Variants in SLC38A12 observed in about 807,000 individuals in gnomAD.
SLC38A12 encodes putative sodium-coupled neutral amino acid transporter 12.
the SLC38A12 span, among the ~76,000 whole-genome samples, chr17:74,800,958 C>A: frequency 6.6e-6 from 1 of 152,222 alleles, no homozygotes; most frequent in African/African-American, 2.4e-5. Context: ...TCAAGAGTGT[C>A]CCTTCCTGGG....
the SLC38A12 span, among the ~76,000 whole-genome samples, chr17:74,783,523 G>A: frequency 6.6e-6 from 1 of 151,990 alleles, no homozygotes; most frequent in African/African-American, 2.4e-5. Flanking sequence ...AGAGGGCTTT[G>A]GTCCTGTGTC....
the SLC38A12 span, among the ~76,000 whole-genome samples, chr17:74,808,441 G>A: frequency 6.6e-6 from 1 of 152,256 alleles, no homozygotes. Context: ...CAGTCACCAA[G>A]GTGCAGGTGT....
At chr17:74,837,759 G>A in the SLC38A12 span, 5 of 985,758 alleles carry the variant, frequency 5.1e-6, no homozygotes, top group African/African-American at 1.7e-5. Flanking sequence ...AGCCATGCAC[G>A]CACTTGCTGG....
chr17:74,791,080 G>A, the SLC38A12 span: 5 of 1,545,050 alleles, frequency 3.2e-6, no homozygotes, highest in Non-Finnish European at 1.8e-6. Flanking sequence ...ACGGGGAGCT[G>A]GTGCTTCCCT....
At chr17:74,797,820 G>A in the SLC38A12 span, among the ~76,000 whole-genome samples, 11 of 152,256 alleles carry the variant, frequency 7.2e-5, no homozygotes, top group African/African-American at 2.2e-4. Context: ...AAGTGATGAC[G>A]GCATCTTCCC....
At chr17:74,808,006 G>A in the SLC38A12 span, among the ~76,000 whole-genome samples, 966 of 152,382 alleles carry the variant, frequency 6.3e-3, 7 homozygotes, top group African/African-American at 0.022. Context: ...GCAAATGACT[G>A]TGTGGGTTTT....
At chr17:74,785,339 TCTC>T in the SLC38A12 span, 1 of 1,228,140 alleles carries the variant, frequency 8.1e-7, no homozygotes, top group African/African-American at 1.5e-5. Context: ...CAGGTGTAAT[TCTC>T]CTGTCCTGCC....
chr17:74,835,235 G>C, the SLC38A12 span, among the ~76,000 whole-genome samples: 2 of 152,172 alleles, frequency 1.3e-5, no homozygotes, highest in African/African-American at 4.8e-5. Flanking sequence ...CTCCAGCCTC[G>C]GTGTCAGCAG....
chr17:74,784,367 CACTAA>C, the SLC38A12 span, among the ~76,000 whole-genome samples: 1 of 152,134 alleles, frequency 6.6e-6, no homozygotes, highest in Non-Finnish European at 1.5e-5. Context: ...CAGAGTTAGC[CACTAA>C]AGAAGCTCCA....
the SLC38A12 span, among the ~76,000 whole-genome samples, chr17:74,818,168 C>T: frequency 2.6e-5 from 4 of 152,224 alleles, no homozygotes; most frequent in East Asian, 1.9e-4. Context: ...GTCCCCAGCT[C>T]CTCTCCCTGG....
chr17:74,834,743 G>T, the SLC38A12 span, among the ~76,000 whole-genome samples: 3 of 152,232 alleles, frequency 2.0e-5, no homozygotes, highest in East Asian at 3.8e-4. Flanking sequence ...GAAATGTCAC[G>T]TGTCCCCGTG....
At chr17:74,833,065 C>T in the SLC38A12 span, among the ~76,000 whole-genome samples, 2 of 152,136 alleles carry the variant, frequency 1.3e-5, no homozygotes, top group African/African-American at 4.8e-5. Context: ...GCCCTGTTGC[C>T]CAGGCTGAAG....
chr17:74,809,545 G>A, the SLC38A12 span, among the ~76,000 whole-genome samples: 3 of 152,230 alleles, frequency 2.0e-5, no homozygotes, highest in Non-Finnish European at 1.5e-5. Context: ...AGCTGCCATG[G>A]GATGGCCAGA....
the SLC38A12 span, among the ~76,000 whole-genome samples, chr17:74,804,557 G>A: frequency 1.3e-5 from 2 of 152,214 alleles, no homozygotes; most frequent in African/African-American, 4.8e-5. Flanking sequence ...TTGTGGATTC[G>A]CTGACAGTGG....
At chr17:74,837,653 G>C in the SLC38A12 span, 1 of 985,592 alleles carries the variant, frequency 1.0e-6, no homozygotes, top group Non-Finnish European at 1.2e-6. Context: ...TGGGTGCTCA[G>C]TGTTCACGCT....
the SLC38A12 span, among the ~76,000 whole-genome samples, chr17:74,815,162 G>T: frequency 9.2e-5 from 14 of 152,248 alleles, no homozygotes; most frequent in Admixed American, 9.2e-4. Flanking sequence ...TAAGATGAGG[G>T]CATCGTCACC....
At chr17:74,782,878 C>A in the SLC38A12 span, among the ~76,000 whole-genome samples, 1 of 152,166 alleles carries the variant, frequency 6.6e-6, no homozygotes, top group East Asian at 1.9e-4. Context: ...TCCTGTAATC[C>A]CAGCACTTTG....
At chr17:74,838,024 C>G in the SLC38A12 span, 1 of 985,876 alleles carries the variant, frequency 1.0e-6, no homozygotes, top group Non-Finnish European at 1.2e-6. Flanking sequence ...GTCTTCAGAC[C>G]TCTGACAGAG....
the SLC38A12 span, chr17:74,838,204 C>T: frequency 1.0e-6 from 1 of 985,680 alleles, no homozygotes; most frequent in Non-Finnish European, 1.2e-6. Context: ...TGCCGTCGCA[C>T]CTCAGTGTTT....
Sources: allele counts gnomAD v4.1 joint callset (sites outside exome capture counted in the v4.1 genomes callset), GRCh38; gene constraint gnomAD v4.1.1; transcripts MANE v1.5; gene names NCBI Gene and HGNC (gene_info 2026-07-23, HGNC 2026-07-21).